Variants in MYH11 observed in about 807,000 individuals in gnomAD.
The protein encoded by MYH11 is myosin heavy chain 11.
MYH11 carries 80 observed loss-of-function variants against 246.6 expected under a neutral mutation model. That is an observed-to-expected ratio of 0.32 (90% CI 0.27 to 0.39). The LOEUF (loss-of-function observed/expected upper bound fraction) is 0.39, where lower values mean the gene tolerates loss of function less well. Among genes scored for constraint, MYH11 ranks in the 10% least tolerant of loss-of-function variants. MYH11 has a pLI of 1.00. For missense variants in MYH11, 2,158 were observed against 2,546.8 expected (o/e 0.85, Z 3.29); for synonymous variants, 1,071 against 1,015.5 (o/e 1.05, Z -1.04).
chr16:15,719,746 T>A (rs573964972), intron 34 of MYH11, 33 bp from the exon 35 acceptor site: 134 of 1,613,636 alleles, frequency 8.3e-5, no homozygotes, highest in Admixed American at 1.8e-4. Flanking sequence ...CAAGCTCAGA[T>A]GTCCTTACTC....
rs765225250 is a variant in MYH11 at position 15,786,630 on chromosome 16, C to A, written c.633G>T (p.Thr211=). 8.1e-6 allele frequency: 13 copies of A among 1,613,706 alleles called. No homozygotes were observed. The South Asian group carries it at 1.2e-4, about 15-fold the overall frequency. Residue 211 remains threonine (T), a splice_region_variant and synonymous_variant, in exon 5 of 41, where the codon ACG becomes ACT. Coordinates refer to ENST00000300036, the MANE Select transcript of MYH11 (RefSeq NM_002474.3). ...CCTCTGATTGGGAACTGCCACTCAC[C>A]GTGATACTTGTGTCTTTCTTGCCCT... ...SHKGKKDTSI[T]GELEKQLLQA... is the part of the protein sequence containing the mutation.
At chr16:15,744,662 C>G (rs778542615) in intron 20 of MYH11, among the ~76,000 whole-genome samples, 2 of 151,996 alleles carry the variant, frequency 1.3e-5, no homozygotes, top group Admixed American at 6.6e-5. Context: ...GCCACCATAC[C>G]CAGCTAATTT....
rs569925780 is a variant in MYH11, at chr16:15,823,313, G to C, written c.444C>G (p.His148Gln). ...TGGCGTAGATGTGAGGCGGCATCTC[G>C]TGCCTCTTCTTGCCCTTGTACATGT... ...IVDMYKGKKR[H>Q]EMPPHIYAIA... Residue 148 changes from histidine (H) to glutamine (Q), a missense_variant, in exon 3 of 41, where the codon CAC becomes CAG. His to Gln is a conservative substitution (Grantham distance 24). Around this residue, in one of 11 missense-constraint regions of MYH11, gnomAD observed 34 missense variants for 25.6 expected, o/e 1.33. Coordinates refer to ENST00000300036, the MANE Select transcript of MYH11 (RefSeq NM_002474.3). The C allele has an allele frequency of 1.9e-6, 3 of 1,614,048 alleles. No individual in the cohort carries two copies. Among genetic ancestry groups the C allele is most frequent in the African/African-American group, 2.7e-5 (2 of 74,924 alleles).
chr16:15,779,515 C>A (rs947214415), intron 6 of MYH11: 2 of 158,044 alleles, frequency 1.3e-5, no homozygotes, highest in African/African-American at 4.8e-5. Flanking sequence ...TGACGTTGCT[C>A]CTGAGAGGTA....
intron 1 of MYH11, among the ~76,000 whole-genome samples, chr16:15,840,668 G>T (rs1160741345): frequency 1.3e-5 from 2 of 152,248 alleles, no homozygotes; most frequent in East Asian, 3.9e-4. Flanking sequence ...GGAGGTCAAG[G>T]CTGCAGTGAG....
At chr16:15,753,103 T>C (rs1409995180) in intron 15 of MYH11, among the ~76,000 whole-genome samples, 2 of 152,186 alleles carry the variant, frequency 1.3e-5, no homozygotes, top group African/African-American at 2.4e-5. Flanking sequence ...CTTCTGACTC[T>C]GGACAGGGCA....
At chr16:15,788,441 T>C in intron 4 of MYH11, among the ~76,000 whole-genome samples, 1 of 152,030 alleles carries the variant, frequency 6.6e-6, no homozygotes, top group Admixed American at 6.6e-5. Context: ...GTACAGTCTC[T>C]GCTCTTCTTC....
chr16:15,745,340 A>C, intron 19 of MYH11, 103 bp from the exon 20 acceptor site: 1 of 762,362 alleles, frequency 1.3e-6, no homozygotes, highest in Non-Finnish European at 2.2e-6. Context: ...GACATGCCCC[A>C]ATCTCCCCAA....
intron 40 of MYH11, among the ~76,000 whole-genome samples, chr16:15,705,631 G>A (rs2039407397): frequency 6.6e-6 from 1 of 152,112 alleles, no homozygotes; most frequent in Admixed American, 6.5e-5. Flanking sequence ...CCCCACGCAA[G>A]GGTTGGATAA....
intron 1 of MYH11, among the ~76,000 whole-genome samples, chr16:15,854,800 C>T (rs59940497): frequency 0.019 from 2,888 of 152,218 alleles, 87 homozygotes; most frequent in African/African-American, 0.058. Context: ...TGTTTGGATT[C>T]AAGACCTGTG....
chr16:15,856,210 G>T (rs2044463192), intron 1 of MYH11, among the ~76,000 whole-genome samples: 1 of 145,088 alleles, frequency 6.9e-6, no homozygotes, highest in South Asian at 2.3e-4. Flanking sequence ...GGGTCAACCT[G>T]GGTGAGTTGT....
intron 16 of MYH11, 84 bp from the exon 17 acceptor site, chr16:15,748,252 C>G: frequency 6.3e-7 from 1 of 1,592,152 alleles, no homozygotes; most frequent in Non-Finnish European, 8.5e-7. Flanking sequence ...CTGGATGACC[C>G]ACCTGGCCAG....
intron 2 of MYH11, among the ~76,000 whole-genome samples, chr16:15,828,839 A>G (rs1398855395): frequency 5.1e-5 from 6 of 116,516 alleles, no homozygotes; most frequent in South Asian, 2.3e-4. Flanking sequence ...AAAGAAAGGA[A>G]GAAAGAGAGA....
chr16:15,772,175 T>G (rs1158324684), intron 8 of MYH11, among the ~76,000 whole-genome samples: 2 of 129,726 alleles, frequency 1.5e-5, no homozygotes, highest in African/African-American at 2.8e-5. Context: ...CACTGCAACC[T>G]CCGCCTCCCA....
intron 19 of MYH11, among the ~76,000 whole-genome samples, chr16:15,747,091 G>A (rs1012648338): frequency 7.9e-5 from 12 of 151,910 alleles, no homozygotes; most frequent in African/African-American, 2.9e-4. Flanking sequence ...GAGAGACTCT[G>A]TCTCAAAAAG....
chr16:15,779,811 C>T (rs2042304625), intron 6 of MYH11, among the ~76,000 whole-genome samples: 1 of 152,240 alleles, frequency 6.6e-6, no homozygotes, highest in Non-Finnish European at 1.5e-5. Flanking sequence ...GAACCCAATC[C>T]TCCATCTGTT....
intron 4 of MYH11, among the ~76,000 whole-genome samples, chr16:15,793,614 T>C (rs573336012): frequency 7.4e-6 from 1 of 135,474 alleles, no homozygotes; most frequent in Admixed American, 7.2e-5. Context: ...TCTTTTCTTT[T>C]CTTTTTTTTT....
chr16:15,708,701 AT>A, intron 40 of MYH11: 1 of 1,258,932 alleles, frequency 7.9e-7, no homozygotes, highest in Admixed American at 2.0e-5. Context: ...TCTCGTGGAA[AT>A]GTGCAAGGGT....
intron 1 of MYH11, among the ~76,000 whole-genome samples, chr16:15,841,985 C>T (rs947829358): frequency 6.6e-6 from 1 of 152,204 alleles, no homozygotes; most frequent in Admixed American, 6.6e-5. Context: ...CTCCTGAAAC[C>T]CAACCTTTTG....
Sources: gnomAD v4.1 joint callset for allele counts (sites outside exome capture counted in the v4.1 genomes callset) on GRCh38, gnomAD v4.1.1 for gene constraint, gnomAD v4.1.1 regional missense constraint, MANE v1.5 for transcripts, NCBI Gene and HGNC (gene_info 2026-07-23, HGNC 2026-07-21) for gene names.